Variants in COL16A1 observed in about 807,000 individuals in gnomAD.
COL16A1 encodes the protein collagen type XVI alpha 1 chain.
In COL16A1, 189 loss-of-function variants were observed where a neutral mutation model predicts 266.3. The ratio of observed to expected loss-of-function variants is 0.71; its 90% confidence interval spans 0.63 to 0.80. The LOEUF (loss-of-function observed/expected upper bound fraction) is 0.80, where lower values mean the gene tolerates loss of function less well. Among genes scored for constraint, COL16A1 ranks in the 30% least tolerant of loss-of-function variants. The probability of loss-of-function intolerance (pLI) is 0.00; values close to 1 mark genes in which losing one functional copy is unlikely to be tolerated. For synonymous variants in COL16A1, 740 were observed against 782.3 expected, an observed-to-expected ratio of 0.95 and a Z score of 0.90; for missense variants, 1,928 against 2,122.4, an observed-to-expected ratio of 0.91 and a Z score of 1.80.
At chr1:31,686,333 G>C (rs765931428) in intron 26 of COL16A1, 54 bp from the exon 27 acceptor site, 8 of 1,613,116 alleles carry the variant, frequency 5.0e-6, no homozygotes, top group Admixed American at 1.7e-5. Flanking sequence ...CTGGGTGCTA[G>C]AGCAATCCCA....
At chr1:31,694,304 T>A in intron 11 of COL16A1, 134 bp from the exon 12 acceptor site, 1 of 630,866 alleles carries the variant, frequency 1.6e-6, no homozygotes, top group Non-Finnish European at 2.6e-6. Flanking sequence ...GCCCCTGCTC[T>A]GCTTCCCAGG....
chr1:31,654,903 TG>T, intron 67 of COL16A1, 45 bp from the exon 68 acceptor site: 1 of 1,595,676 alleles, frequency 6.3e-7, no homozygotes, highest in African/African-American at 1.4e-5. Context: ...CTTCCAAGCC[TG>T]GCATTTTCCC....
At position 31,685,679 on chromosome 1, in the gene COL16A1, C is replaced by T. The variant is rs1643934941; in HGVS notation, c.1976G>A (p.Gly659Glu). The T allele has an allele frequency of 3.1e-6, 5 of 1,614,006 alleles. No homozygotes were observed. Among genetic ancestry groups the T allele is most frequent in the Admixed American group, 1.7e-5 (1 of 60,020 alleles). The part of the protein sequence containing the change: ...VALPGPSGEK[G>E]EPGPPGFGLP... Reference sequence around the variant, plus strand: ...GCCAAAGCCTGGAGGCCCAGGTTCCCCCTTCTCTCCGGATGGGCCAGGCAA... The same window carrying T: ...GCCAAAGCCTGGAGGCCCAGGTTCCTCCTTCTCTCCGGATGGGCCAGGCAA... Residue 659 changes from glycine to glutamate, a missense_variant, in exon 29 of 71, where the codon GGG becomes GAG. Gly to Glu is a moderately conservative substitution (Grantham distance 98). This residue lies in a region of COL16A1 where 1,552 missense variants were observed against 1,637.2 expected (regional missense o/e 0.95). Coordinates refer to ENST00000373672, the MANE Select transcript of COL16A1 (RefSeq NM_001856.4). This position sits in a 1 kb window ranked among gnomAD's most constrained non-coding sequence, Gnocchi z 4.0.
intron 26 of COL16A1, among the ~76,000 whole-genome samples, chr1:31,687,745 T>C (rs887216694): frequency 1.3e-5 from 2 of 150,088 alleles, no homozygotes; most frequent in African/African-American, 4.9e-5. Flanking sequence ...GCAGGTGGGG[T>C]GGGGGTGCAA....
chr1:31,659,248 T>C (rs1557610872), intron 62 of COL16A1, among the ~76,000 whole-genome samples: 1 of 152,166 alleles, frequency 6.6e-6, no homozygotes, highest in Non-Finnish European at 1.5e-5. Flanking sequence ...AGAGGCCAAG[T>C]GCAGAGGACA....
chr1:31,701,522 G>C, intron 2 of COL16A1: 4 of 985,394 alleles, frequency 4.1e-6, no homozygotes, highest in Non-Finnish European at 4.8e-6. Flanking sequence ...AGCAAGGCCA[G>C]GCAAGTTGCC....
In COL16A1 at chr1:31,670,276, G is replaced by T. The variant is rs1570422012; in HGVS notation, c.3195+326C>A. 6.2e-6 allele frequency: 2 copies of T among 320,142 alleles called. No individual in the cohort carries two copies. The highest frequency in any genetic ancestry group is 5.0e-5 in the Admixed American group (1 of 20,044). The allele number at this position is 320,142 out of a possible 1,614,324, so 19.8% of individuals were successfully genotyped here. The stretch of plus-strand genomic sequence containing the variant: ...CCCCCTAGAGGCACCAGCTTAAGAG[G>T]AAGGTTCACGAGCTCAGGAGGACTT... On this transcript the variant is annotated intron_variant, in intron 49 of 70. Coordinates refer to ENST00000373672, the MANE Select transcript of COL16A1 (RefSeq NM_001856.4). This position sits in a 1 kb window ranked among gnomAD's most constrained non-coding sequence, Gnocchi z 4.5.
At position 31,685,541 on chromosome 1, in the gene COL16A1, C is replaced by A. The variant is rs1643925172; in HGVS notation, c.2016+98G>T. ...GCCACACCCTCCCCACTACCCCCAA[C>A]TGCCCAGGGAGTCAAGAGACCCAGG... On this transcript the variant is annotated intron_variant, in intron 29 of 70. Transcript: ENST00000373672. The surrounding 1 kb of genome is among the most constrained non-coding windows in gnomAD (Gnocchi z 4.0). 87 of 1,221,268 alleles carry A rather than the reference C, an allele frequency of 7.1e-5. No individual in the cohort carries two copies. The highest frequency in any genetic ancestry group is 7.8e-5 in the Non-Finnish European group (68 of 876,990). The allele number at this position is 1,221,268 out of a possible 1,614,324, so 75.7% of individuals were successfully genotyped here. A position where few individuals can be genotyped will look rare whatever the true frequency, so the allele number is the denominator to read the frequency against.
At position 31,683,359 on chromosome 1, in the gene COL16A1, C is replaced by T. The variant is rs916109821; in HGVS notation, c.2390G>A (p.Gly797Glu). The T allele has an allele frequency of 6.2e-7, 1 of 1,614,006 alleles. No homozygotes were observed. Among genetic ancestry groups the T allele is most frequent in the Non-Finnish European group, 8.5e-7 (1 of 1,180,048 alleles). ...RGVQGPQGEP[G>E]APGLPGIQGL... ...CTGAATGCCAGGCAAACCCGGGGCT[C>T]CAGGCTCCCCCTGCAAGTCAGAAAG... Residue 797 changes from glycine to glutamate, a missense_variant, in exon 35 of 71, where the codon GGA becomes GAA. Transcript: ENST00000373672.
At chr1:31,672,940 C>G in intron 44 of COL16A1, 100 bp from the exon 45 acceptor site, 2 of 1,110,564 alleles carry the variant, frequency 1.8e-6, no homozygotes, top group Non-Finnish European at 2.7e-6. Context: ...GGGCTCCCTG[C>G]CCTGCCGTCT....
intron 22 of COL16A1, 36 bp from the exon 23 acceptor site, chr1:31,689,887 G>C (rs878998870): frequency 1.3e-6 from 2 of 1,592,914 alleles, no homozygotes; most frequent in South Asian, 2.2e-5. Context: ...GGACAGGGTG[G>C]GGCTGAGACC....
intron 42 of COL16A1, among the ~76,000 whole-genome samples, chr1:31,677,466 C>T (rs1643284775): frequency 6.6e-6 from 1 of 152,234 alleles, no homozygotes; most frequent in African/African-American, 2.4e-5. Context: ...ATAGTTCAAG[C>T]CTGATACTTT....
chr1:31,662,672 CCG>C lies in COL16A1; in HGVS notation c.3556-16_3556-15del. The C allele has an allele frequency of 3.3e-6, 4 of 1,194,972 alleles. No individual in the cohort carries two copies. The highest frequency in any genetic ancestry group is 4.7e-6 in the Non-Finnish European group (4 of 857,786). 74.0% of individuals were successfully genotyped at this position (1,194,972 alleles called of 1,614,324 possible). ...CCCTTCGCTGCCCTGGAAACCAGCGCCGCCCCCCCCCCCCGCCCCACAATAAA... is the reference window on the plus strand; with the variant it reads ...CCCTTCGCTGCCCTGGAAACCAGCGCCCCCCCCCCCCCGCCCCACAATAAA... On this transcript the variant is annotated splice_polypyrimidine_tract_variant and intron_variant, in intron 56 of 70. Transcript: ENST00000373672.
chr1:31,699,010 G>A (rs1350117748), intron 4 of COL16A1, among the ~76,000 whole-genome samples: 1 of 152,128 alleles, frequency 6.6e-6, no homozygotes, highest in Non-Finnish European at 1.5e-5. Flanking sequence ...CAGGAGAATT[G>A]CTTGAACCCA....
chr1:31,653,723 A>C lies in COL16A1; in HGVS notation c.4535-47T>G, dbSNP rs761433638. The stretch of plus-strand genomic sequence containing the variant: ...AGTCCTATCCCTGAGCAGAAAAATG[A>C]CACAGCCAGTCAGATTACTTGAAAC... On this transcript the variant is annotated intron_variant, in intron 69 of 70. Coordinates refer to ENST00000373672, the MANE Select transcript of COL16A1 (RefSeq NM_001856.4). The C allele has an allele frequency of 4.4e-6, 7 of 1,595,906 alleles. No individual in the cohort carries two copies. In the South Asian group the frequency reaches 7.8e-5, roughly 18 times the overall value.
At chr1:31,684,285 C>A in intron 31 of COL16A1, 54 bp from the exon 32 acceptor site, 1 of 1,451,064 alleles carries the variant, frequency 6.9e-7, no homozygotes, top group Non-Finnish European at 9.1e-7. Flanking sequence ...GGCACCCAGG[C>A]CAGGACGCCC....
chr1:31,695,940 G>C, intron 9 of COL16A1, 148 bp downstream of exon 9: 1 of 986,986 alleles, frequency 1.0e-6, no homozygotes, highest in Non-Finnish European at 1.6e-6. Context: ...TTCTTGATCA[G>C]AGCTGGCACC....
Position 31,656,162 on chromosome 1 carries a change from A to G in COL16A1, c.4101+238T>C. On this transcript the variant is annotated intron_variant, in intron 66 of 70. Coordinates refer to ENST00000373672, the MANE Select transcript of COL16A1 (RefSeq NM_001856.4). The surrounding 1 kb of genome is among the most constrained non-coding windows in gnomAD (Gnocchi z 4.2). ...AGGGAGTGCTCGGGAAATGGAAACA[A>G]TGAATGAATCAATCAGTCAATCAGT... 1.6e-6 allele frequency: 1 copy of G among 645,070 alleles called. No homozygotes were observed. The highest frequency in any genetic ancestry group is 2.6e-6 in the Non-Finnish European group (1 of 381,808). The allele number at this position is 645,070 out of a possible 1,614,324, so 40.0% of individuals were successfully genotyped here. A position where few individuals can be genotyped will look rare whatever the true frequency, so the allele number is the denominator to read the frequency against.
rs80076788 is a variant in COL16A1, at chr1:31,675,762, G to A, written c.2773-451C>T. Among the ~76,000 whole-genome samples the A allele has an allele frequency of 1.6e-3, 241 of 152,090 alleles. 2 individuals are homozygous for A. Among genetic ancestry groups the A allele is most frequent in the African/African-American group, 5.6e-3 (231 of 41,480 alleles). ...CACTGTAGCCTCAAACTCAGCTCAA[G>A]CGATTCTCCCACCTCAGCCTCCTGA... is the stretch of plus-strand genomic sequence containing the variant. On this transcript the variant is annotated intron_variant, in intron 42 of 70. Coordinates refer to ENST00000373672, the MANE Select transcript of COL16A1 (RefSeq NM_001856.4).
Sources: gnomAD v4.1 joint callset for allele counts (sites outside exome capture counted in the v4.1 genomes callset) on GRCh38, gnomAD v4.1.1 for gene constraint, gnomAD v4.1.1 regional missense constraint, Gnocchi (gnomAD v3.1) non-coding constraint, MANE v1.5 for transcripts, NCBI Gene and HGNC (gene_info 2026-07-23, HGNC 2026-07-21) for gene names.